Variants in PCDHGB2 observed in about 807,000 individuals in gnomAD.
The protein encoded by PCDHGB2 is protocadherin gamma subfamily B, 2.
PCDHGB2 carries 55 observed loss-of-function variants against 59.3 expected under a neutral mutation model. The observed-to-expected ratio is 0.93, with a 90% CI of 0.75 to 1.16. The LOEUF (loss-of-function observed/expected upper bound fraction) is 1.16. Among genes scored for constraint, PCDHGB2 ranks in the 50% most tolerant of loss-of-function variants. PCDHGB2 has a pLI of 0.00. For missense variants in PCDHGB2, 1,228 were observed against 1,198.5 expected, an observed-to-expected ratio of 1.02 and a Z score of -0.36; for synonymous variants, 516 against 512.0, an observed-to-expected ratio of 1.01 and a Z score of -0.11.
intron 1 of PCDHGB2, chr5:141,413,902 G>A: frequency 1.9e-6 from 3 of 1,613,252 alleles, no homozygotes; most frequent in East Asian, 2.2e-5. Flanking sequence ...AAATGACAAC[G>A]CGCCGGTCTT....
At position 141,409,955 on chromosome 5, in the gene PCDHGB2, G is replaced by A. The variant is rs946959934; in HGVS notation, c.2421+47399G>A. On this transcript the variant is annotated intron_variant, in intron 1 of 3. Coordinates refer to ENST00000522605, the MANE Select transcript of PCDHGB2 (RefSeq NM_018923.3). ...TATGGTACCTCGCTCTGCAGAGCCC[G>A]GCTACCTAGTGACTAAGGTGGTAGC... is the stretch of plus-strand genomic sequence containing the variant. The A allele has an allele frequency of 2.8e-5, 45 of 1,613,234 alleles. No individual in the cohort carries two copies. The highest frequency in any genetic ancestry group is 3.6e-5 in the Non-Finnish European group (42 of 1,179,814).
chr5:141,419,391 G>A, intron 1 of PCDHGB2: 1 of 1,613,630 alleles, frequency 6.2e-7, no homozygotes. Flanking sequence ...AGCGCGCAGA[G>A]CGGGGTGGTG....
At position 141,476,946 on chromosome 5, in the gene PCDHGB2, G is replaced by A; in HGVS notation, c.2422-17861G>A. ...ACGGATCTGGATGAAGGCCCCAACG[G>A]TGAAATTATTTACTCCTTCGGCAGC... On this transcript the variant is annotated intron_variant, in intron 1 of 3. Transcript: ENST00000522605. The surrounding 1 kb of genome is among the most constrained non-coding windows in gnomAD (Gnocchi z 7.6). The A allele has an allele frequency of 6.2e-7, 1 of 1,614,206 alleles. No individual in the cohort carries two copies. Among genetic ancestry groups the A allele is most frequent in the Non-Finnish European group, 8.5e-7 (1 of 1,180,044 alleles).
Position 141,362,503 on chromosome 5 carries a change from A to C in PCDHGB2, c.2368A>C (p.Asn790His). Residue 790 changes from asparagine to histidine, a missense_variant, in exon 1 of 4, where the codon AAT becomes CAT. Transcript: ENST00000522605. Reference sequence around the variant, plus strand: ...CTGTGACAATGCCTCTTGGGAACAAAATACAAATCATGGAGCCGCTGGGGT... The same window carrying C: ...CTGTGACAATGCCTCTTGGGAACAACATACAAATCATGGAGCCGCTGGGGT... Reference protein sequence around the residue: ...LVCDNASWEQNTNHGAAGVPF... With the variant: ...LVCDNASWEQHTNHGAAGVPF... 6.2e-7 allele frequency: 1 copy of C among 1,614,050 alleles called. No homozygotes were observed. Among genetic ancestry groups the C allele is most frequent in the South Asian group, 1.1e-5 (1 of 91,080 alleles).
chr5:141,487,512 C>T lies in PCDHGB2; in HGVS notation c.2422-7295C>T, dbSNP rs372606253. The stretch of plus-strand genomic sequence containing the variant: ...TGTACACCCTTGGCTTCTGCACCCA[C>T]TCGGAGTGATAGCTTCATGATGGTG... On this transcript the variant is annotated intron_variant, in intron 1 of 3. Transcript: ENST00000522605. This position sits in a 1 kb window ranked among gnomAD's most constrained non-coding sequence, Gnocchi z 5.0. 3.7e-6 allele frequency: 6 copies of T among 1,614,082 alleles called. No homozygotes were observed. The highest frequency in any genetic ancestry group is 5.1e-6 in the Non-Finnish European group (6 of 1,180,044).
chr5:141,384,934 G>C lies in PCDHGB2; in HGVS notation c.2421+22378G>C, dbSNP rs750109041. Reference sequence around the variant, plus strand: ...AGTCTTGGCCGACCTGGGCAGCCTTGAGCCCTCCGACGGTCCTTACAACTA... The same window carrying C: ...AGTCTTGGCCGACCTGGGCAGCCTTCAGCCCTCCGACGGTCCTTACAACTA... On this transcript the variant is annotated intron_variant, in intron 1 of 3. Coordinates refer to ENST00000522605, the MANE Select transcript of PCDHGB2 (RefSeq NM_018923.3). 2.9e-5 allele frequency: 47 copies of C among 1,614,050 alleles called. No homozygotes were observed. In the East Asian group the frequency reaches 1.0e-3, roughly 34 times the overall value.
rs13436436 is a variant in PCDHGB2 at position 141,494,301 on chromosome 5, G to C, written c.2422-506G>C. Among the ~76,000 whole-genome samples, 1,119 of 152,302 alleles carry C rather than the reference G, an allele frequency of 7.3e-3. 11 individuals carry two copies. The highest frequency in any genetic ancestry group is 0.026 in the African/African-American group (1,077 of 41,560). Reference sequence around the variant, plus strand: ...CCAGAGAAGATGTCCCTGTGAATGTGTCACTGCACAACCTGGCACCAAAAG... The same window carrying C: ...CCAGAGAAGATGTCCCTGTGAATGTCTCACTGCACAACCTGGCACCAAAAG... On this transcript the variant is annotated intron_variant, in intron 1 of 3. Coordinates refer to ENST00000522605, the MANE Select transcript of PCDHGB2 (RefSeq NM_018923.3).
intron 1 of PCDHGB2, chr5:141,370,874 T>A (rs369229257): frequency 1.2e-6 from 2 of 1,613,942 alleles, no homozygotes; most frequent in African/African-American, 2.7e-5. Context: ...CGCAAGATCC[T>A]GATGTAGGTG....
At chr5:141,509,758 C>T (rs574741134) in intron 3 of PCDHGB2, among the ~76,000 whole-genome samples, 17 of 152,202 alleles carry the variant, frequency 1.1e-4, no homozygotes. Flanking sequence ...CTAAAGTGTC[C>T]CTGAGATGTC....
intron 1 of PCDHGB2, among the ~76,000 whole-genome samples, chr5:141,449,673 G>A (rs7725811): frequency 0.049 from 7,346 of 150,528 alleles, 281 homozygotes; most frequent in African/African-American, 0.1. Flanking sequence ...AAGTGTGTAT[G>A]TATATATGTT....
intron 1 of PCDHGB2, chr5:141,417,692 C>T (rs2096147964): frequency 1.8e-6 from 2 of 1,089,118 alleles, no homozygotes; most frequent in Non-Finnish European, 2.5e-6. Flanking sequence ...AAAAGAAAAC[C>T]AGCTCCCACA....
chr5:141,441,768 T>C, intron 1 of PCDHGB2: 1 of 387,074 alleles, frequency 2.6e-6, no homozygotes. Context: ...CCTGCGCGTG[T>C]TGGTGGACGA....
intron 1 of PCDHGB2, chr5:141,423,750 TGGGGGG>T: frequency 3.5e-6 from 1 of 287,482 alleles, no homozygotes; most frequent in Non-Finnish European, 4.5e-6. Flanking sequence ...GAAAACTGTT[TGGGGGG>T]GGGGTGGGGC....
Position 141,409,216 on chromosome 5 carries a change from T to G in PCDHGB2, c.2421+46660T>G, listed in dbSNP as rs368791778. 9.9e-6 allele frequency: 16 copies of G among 1,613,886 alleles called. No individual in the cohort carries two copies. The African/African-American group carries it at 1.1e-4, about 11-fold the overall frequency. ...AGTGTAAAGTAATCATAGAAATCCT[T>G]GATGAAAACGACAACAGCCCAGAAA... is the stretch of plus-strand genomic sequence containing the variant. On this transcript the variant is annotated intron_variant, in intron 1 of 3. Coordinates refer to ENST00000522605, the MANE Select transcript of PCDHGB2 (RefSeq NM_018923.3).
In PCDHGB2 at chr5:141,389,323, G is replaced by T. The variant is rs1230521211; in HGVS notation, c.2421+26767G>T. 26 of 1,613,980 alleles carry T rather than the reference G, an allele frequency of 1.6e-5. No individual in the cohort carries two copies. Among genetic ancestry groups the T allele is most frequent in the Non-Finnish European group, 1.8e-5 (21 of 1,179,896 alleles). ...GTCAGGGCTTCTGATCCGGACTTGG[G>T]GCCCAACGGCCAAGTCTCTTACTGC... On this transcript the variant is annotated intron_variant, in intron 1 of 3. Transcript: ENST00000522605.
chr5:141,420,199 C>T (rs764130526), intron 1 of PCDHGB2: 12 of 1,613,362 alleles, frequency 7.4e-6, no homozygotes, highest in Non-Finnish European at 1.0e-5. Context: ...CACAAGATAA[C>T]CTCAACAAAG....
chr5:141,431,776 C>T lies in PCDHGB2; in HGVS notation c.2422-63031C>T. 6.2e-7 allele frequency: 1 copy of T among 1,614,228 alleles called. No individual in the cohort carries two copies. The stretch of plus-strand genomic sequence containing the variant: ...CCAAAGTCCTGATCACTGTTCTGGA[C>T]GTGAACGACAATGCCCCAGAAGTGG... On this transcript the variant is annotated intron_variant, in intron 1 of 3. Coordinates refer to ENST00000522605, the MANE Select transcript of PCDHGB2 (RefSeq NM_018923.3). The surrounding 1 kb of genome is among the most constrained non-coding windows in gnomAD (Gnocchi z 4.8).
intron 1 of PCDHGB2, chr5:141,392,852 G>C: frequency 6.2e-7 from 1 of 1,611,984 alleles, no homozygotes; most frequent in East Asian, 2.2e-5. Flanking sequence ...GCGGCGAGCT[G>C]ATCCTGCTGT....
In PCDHGB2 at chr5:141,511,364, T is replaced by C. The variant is rs115159796; in HGVS notation, c.*191T>C. The C allele has an allele frequency of 4.6e-4, 610 of 1,317,098 alleles. 5 individuals are homozygous for C. In the African/African-American group the frequency reaches 7.1e-3, roughly 15 times the overall value. The allele number at this position is 1,317,098 out of a possible 1,614,324, so 81.6% of individuals were successfully genotyped here. On this transcript the variant is annotated 3_prime_UTR_variant, in exon 4 of 4. Coordinates refer to ENST00000522605, the MANE Select transcript of PCDHGB2 (RefSeq NM_018923.3). ...ACCCCTTCCCCCCCAGGGGGTTGAA[T>C]ATGCAAAAGCAGTTCCGCTGGGAAC...
Sources: gnomAD v4.1 joint callset for allele counts (sites outside exome capture counted in the v4.1 genomes callset) on GRCh38, gnomAD v4.1.1 for gene constraint, Gnocchi (gnomAD v3.1) non-coding constraint, MANE v1.5 for transcripts, NCBI Gene and HGNC (gene_info 2026-07-23, HGNC 2026-07-21) for gene names.